The following WDR5 variants were observed in gnomAD, a reference collection of about 807,000 sequenced individuals.
The protein encoded by WDR5 is WD repeat-containing protein 5.
For synonymous variants in WDR5, 144 were observed against 161.6 expected (o/e 0.89, Z 0.83); for missense variants, 187 against 416.9 (o/e 0.45, Z 4.80).
chr9:134,148,948 G>C (rs1230492048), intron 8 of WDR5, among the ~76,000 whole-genome samples: 1 of 152,174 alleles, frequency 6.6e-6, no homozygotes, highest in East Asian at 1.9e-4. Flanking sequence ...GAGCGAGTTG[G>C]GGGAGTGGAG....
chr9:134,151,955 AC>A, intron 8 of WDR5, 27 bp from the exon 9 acceptor site: 1 of 1,612,046 alleles, frequency 6.2e-7, no homozygotes, highest in Non-Finnish European at 8.5e-7. Context: ...TTGTCTGCTT[AC>A]GCTTTTTTGT....
At chr9:134,153,238 C>T (rs1469072628) in intron 9 of WDR5, among the ~76,000 whole-genome samples, 1 of 152,202 alleles carries the variant, frequency 6.6e-6, no homozygotes, top group African/African-American at 2.4e-5. Context: ...TGTCCTCATC[C>T]TGCATAGAGG....
intron 3 of WDR5, 25 bp from the exon 4 acceptor site, chr9:134,141,485 C>A: frequency 6.2e-7 from 1 of 1,612,656 alleles, no homozygotes; most frequent in South Asian, 1.1e-5. Context: ...TGCTCTTAGC[C>A]TCAGATCCTT....
At chr9:134,149,277 A>G (rs1489910508) in intron 8 of WDR5, among the ~76,000 whole-genome samples, 11 of 152,200 alleles carry the variant, frequency 7.2e-5, no homozygotes, top group Admixed American at 7.2e-4. Flanking sequence ...CATGGGCTTC[A>G]CAGCACACAC....
Position 134,156,550 on chromosome 9 carries a change from C to G in WDR5, c.861C>G (p.Asn287Lys). 6.2e-7 allele frequency: 1 copy of G among 1,614,216 alleles called. No individual in the cohort carries two copies. The highest frequency in any genetic ancestry group is 8.5e-7 in the Non-Finnish European group (1 of 1,180,042). The stretch of plus-strand genomic sequence containing the variant: ...AGGATAACCTTGTTTACATCTGGAA[C>G]CTTCAGACGAAAGAGATTGTACAGA... The part of the protein sequence containing the change: ...GSEDNLVYIW[N>K]LQTKEIVQKL... Residue 287 changes from asparagine to lysine, a missense_variant, in exon 13 of 14, where the codon AAC (asparagine) becomes AAG (lysine). Transcript: ENST00000358625.
intron 8 of WDR5, among the ~76,000 whole-genome samples, chr9:134,149,821 C>G (rs1040048834): frequency 2.0e-5 from 3 of 152,168 alleles, no homozygotes; most frequent in African/African-American, 7.2e-5. Context: ...GGAAGCACCG[C>G]AGCGGGAGGA....
At chr9:134,142,236 A>T in intron 5 of WDR5, 97 bp from the exon 6 acceptor site, 2 of 1,359,418 alleles carry the variant, frequency 1.5e-6, no homozygotes, top group Non-Finnish European at 2.1e-6. Flanking sequence ...GCGGGGCATC[A>T]GGCATGCTTT....
rs1161346927 is a variant in WDR5 at position 134,142,726 on chromosome 9, C to T, written c.528+7C>T. 1.2e-6 allele frequency: 2 copies of T among 1,614,090 alleles called. No individual in the cohort carries two copies. The highest frequency in any genetic ancestry group is 1.7e-6 in the Non-Finnish European group (2 of 1,179,912). Reference sequence around the variant, plus strand: ...CTCGGATCCAGTCTCGGCCGTAAGTCCCTCTGACACGGATGGGGTGGTGTC... The same window carrying T: ...CTCGGATCCAGTCTCGGCCGTAAGTTCCTCTGACACGGATGGGGTGGTGTC... On this transcript the variant is annotated splice_region_variant and intron_variant, in intron 7 of 13. Coordinates refer to ENST00000358625, the MANE Select transcript of WDR5 (RefSeq NM_017588.3).
intron 10 of WDR5, among the ~76,000 whole-genome samples, chr9:134,155,082 G>A (rs758947999): frequency 9.9e-5 from 15 of 152,168 alleles, no homozygotes; most frequent in Non-Finnish European, 2.2e-4. Context: ...AGTCAGGGAC[G>A]ATAACACCCA....
chr9:134,147,710 C>A (rs942369816), intron 7 of WDR5, among the ~76,000 whole-genome samples: 2 of 152,146 alleles, frequency 1.3e-5, no homozygotes, highest in Non-Finnish European at 2.9e-5. Context: ...TCCAAAGGTG[C>A]TGTTTGATTG....
At chr9:134,140,408 T>A (rs555793897) in intron 2 of WDR5, among the ~76,000 whole-genome samples, 2 of 148,370 alleles carry the variant, frequency 1.3e-5, no homozygotes, top group South Asian at 4.4e-4. Flanking sequence ...GGGATTGAGG[T>A]GGGGGGATGA....
At chr9:134,139,583 G>C (rs1831767011) in intron 1 of WDR5, among the ~76,000 whole-genome samples, 1 of 152,160 alleles carries the variant, frequency 6.6e-6, no homozygotes, top group Admixed American at 6.5e-5. Context: ...GCACGCTTGA[G>C]GGTGGGGTCT....
intron 7 of WDR5, among the ~76,000 whole-genome samples, chr9:134,144,223 CG>C (rs1010339250): frequency 6.6e-6 from 1 of 152,196 alleles, no homozygotes; most frequent in African/African-American, 2.4e-5. Flanking sequence ...GTCACTGCTG[CG>C]GGGAGGCCGT....
rs781079532 is a variant in WDR5 at position 134,155,261 on chromosome 9, C to T, written c.708-79C>T. 3.8e-5 allele frequency: 55 copies of T among 1,453,632 alleles called. 1 individual carries two copies. Among genetic ancestry groups the T allele is most frequent in the Non-Finnish European group, 4.8e-5 (53 of 1,094,654 alleles). The allele number at this position is 1,453,632 out of a possible 1,614,324, so 90.0% of individuals were successfully genotyped here. On this transcript the variant is annotated intron_variant, in intron 10 of 13. Transcript: ENST00000358625. ...CACCTGGCGCTGATGGTGGCTGTGA[C>T]GTAGTGGCTGCAGAGTTGGGTGTGG...
Position 134,158,055 on chromosome 9 carries a change from GGT to G in WDR5, c.*65_*66del. On this transcript the variant is annotated 3_prime_UTR_variant, in exon 14 of 14. Coordinates refer to ENST00000358625, the MANE Select transcript of WDR5 (RefSeq NM_017588.3). ...GTTGACCCGGATTGGCAAGAAACAG[GGT>G]GTCTTGGAGGTGGTCCCCCAGATCT... 3 of 1,510,484 alleles carry G rather than the reference GGT, an allele frequency of 2.0e-6. No individual in the cohort carries two copies. The highest frequency in any genetic ancestry group is 1.7e-5 in the Admixed American group (1 of 59,622). The allele number at this position is 1,510,484 out of a possible 1,614,324, so 93.6% of individuals were successfully genotyped here.
At chr9:134,141,801 T>C in intron 4 of WDR5, 148 bp from the exon 5 acceptor site, 1 of 877,790 alleles carries the variant, frequency 1.1e-6, no homozygotes, top group Non-Finnish European at 1.8e-6. Flanking sequence ...GAAAGCCTGC[T>C]GTTTTTCTCC....
At chr9:134,152,830 G>A (rs574455438) in intron 9 of WDR5, among the ~76,000 whole-genome samples, 13 of 152,322 alleles carry the variant, frequency 8.5e-5, no homozygotes, top group African/African-American at 2.4e-4. Context: ...CGCAGTCCAG[G>A]AGGCTGTGGT....
In WDR5 at chr9:134,148,350, G is replaced by A; in HGVS notation, c.584+7G>A. The A allele has an allele frequency of 6.2e-7, 1 of 1,611,860 alleles. No homozygotes were observed. Among genetic ancestry groups the A allele is most frequent in the Middle Eastern group, 1.7e-4 (1 of 6,054 alleles). The stretch of plus-strand genomic sequence containing the variant: ...GTAGCTATGATGGTCTCTGGTAAGT[G>A]AAAACATTTTACTTCATGAAGCGAT... On this transcript the variant is annotated splice_region_variant and intron_variant, in intron 8 of 13. Coordinates refer to ENST00000358625, the MANE Select transcript of WDR5 (RefSeq NM_017588.3).
Position 134,157,948 on chromosome 9 carries a change from G to A in WDR5, c.960G>A (p.Ala320=), listed in dbSNP as rs544124598. The change falls in exon 14 of 14, where the codon GCG becomes GCA. Residue 320 remains alanine, a synonymous_variant. Transcript: ENST00000358625. The surrounding 1 kb of genome is among the most constrained non-coding windows in gnomAD (Gnocchi z 5.0). Reference sequence around the variant, plus strand: ...CAGAAAACATCATCGCCTCTGCTGCGCTAGAAAATGACAAAACAATTAAAC... The same window carrying A: ...CAGAAAACATCATCGCCTCTGCTGCACTAGAAAATGACAAAACAATTAAAC... ...HPTENIIASA[A]LENDKTIKLW... is the part of the protein sequence containing the mutation. 8.1e-6 allele frequency: 13 copies of A among 1,613,982 alleles called. No individual in the cohort carries two copies. Among genetic ancestry groups the A allele is most frequent in the South Asian group, 2.2e-5 (2 of 91,084 alleles).
Sources: allele counts gnomAD v4.1 joint callset (sites outside exome capture counted in the v4.1 genomes callset), GRCh38; gene constraint gnomAD v4.1.1; non-coding constraint Gnocchi (gnomAD v3.1); transcripts MANE v1.5; gene names NCBI Gene and HGNC (gene_info 2026-07-23, HGNC 2026-07-21).